The following UNC93A variants were observed in gnomAD, a reference collection of about 807,000 sequenced individuals.
UNC93A encodes N-acetylglucosamine transporter UNC93A.
In UNC93A, 43 loss-of-function variants were observed where a neutral mutation model predicts 47.5. The observed-to-expected ratio is 0.91, with a 90% CI of 0.71 to 1.17. The LOEUF is 1.17. UNC93A is among the 50% of genes most tolerant of loss of function. UNC93A has a pLI of 0.00. For missense variants in UNC93A, 605 were observed against 577.6 expected (o/e 1.05, Z -0.49); for synonymous variants, 280 against 258.0 (o/e 1.09, Z -0.82).
Position 167,304,441 on chromosome 6 carries a change from C to A in UNC93A, c.840+308C>A, listed in dbSNP as rs116374115. 9.6e-3 allele frequency among the ~76,000 whole-genome samples: 1,463 copies of A among 152,348 alleles called. 40 individuals are homozygous for A. Among genetic ancestry groups the A allele is most frequent in the African/African-American group, 0.033 (1,384 of 41,564 alleles). The stretch of plus-strand genomic sequence containing the variant: ...GGGCAGCTGCCGCTGACTCACCCCA[C>A]AGACACTCATCGGTGTTACCCCTGC... On this transcript the variant is annotated intron_variant, in intron 5 of 7. Coordinates refer to ENST00000230256, the MANE Select transcript of UNC93A (RefSeq NM_018974.4).
At chr6:167,295,327 G>A (rs1046208499) in intron 2 of UNC93A, among the ~76,000 whole-genome samples, 11 of 152,206 alleles carry the variant, frequency 7.2e-5, no homozygotes, top group Middle Eastern at 3.2e-3. Context: ...ATGGCATGCC[G>A]CCGCTGAGGC....
chr6:167,303,622 G>A (rs563728253), intron 4 of UNC93A, among the ~76,000 whole-genome samples: 5 of 152,264 alleles, frequency 3.3e-5, no homozygotes, highest in African/African-American at 1.2e-4. Context: ...AGGACACTCA[G>A]AACTTCTGGG....
At position 167,273,089 on chromosome 6, in the gene UNC93A, G is replaced by A. The variant is rs548789460; in HGVS notation, c.-52+1631G>A. Reference sequence around the variant, plus strand: ...GTGACTGCCCAGGCAAGCCGCTAACGTGAACGTGCTCCTCTTACTGCCGCC... The same window carrying A: ...GTGACTGCCCAGGCAAGCCGCTAACATGAACGTGCTCCTCTTACTGCCGCC... On this transcript the variant is annotated intron_variant, in intron 1 of 3. Coordinates refer to the UNC93A transcript ENST00000503433. Among the ~76,000 whole-genome samples, 145 of 152,302 alleles carry A rather than the reference G, an allele frequency of 9.5e-4. No individual in the cohort carries two copies. The Middle Eastern group carries it at 0.01, about 11-fold the overall frequency.
intron 1 of UNC93A, among the ~76,000 whole-genome samples, chr6:167,278,610 A>T (rs138714429): frequency 1.4e-4 from 22 of 152,336 alleles, no homozygotes; most frequent in African/African-American, 5.1e-4. Context: ...AGTTCATTAG[A>T]TGCCTTCCAG....
At chr6:167,271,557 A>G (rs2115064830) in intron 1 of UNC93A, 1 of 152,186 alleles carries the variant, frequency 6.6e-6, no homozygotes, top group East Asian at 1.9e-4. Flanking sequence ...GGGCAGTTGT[A>G]TTTTTGGTTT....
chr6:167,281,946 G>C (rs1169626476), intron 1 of UNC93A, among the ~76,000 whole-genome samples: 1 of 152,216 alleles, frequency 6.6e-6, no homozygotes, highest in Non-Finnish European at 1.5e-5. Context: ...GTGACATGTA[G>C]ATGACGACCT....
chr6:167,305,808 C>A, intron 5 of UNC93A, 107 bp from the exon 6 acceptor site: 1 of 1,516,906 alleles, frequency 6.6e-7, no homozygotes, highest in Non-Finnish European at 9.0e-7. Flanking sequence ...CAACACTGGC[C>A]TGCTGGCCAT....
At chr6:167,300,475 G>A (rs1332994940) in intron 4 of UNC93A, among the ~76,000 whole-genome samples, 1 of 152,050 alleles carries the variant, frequency 6.6e-6, no homozygotes, top group Non-Finnish European at 1.5e-5. Flanking sequence ...CAGGGGGGAG[G>A]CTGGACGAGG....
At chr6:167,313,217 T>C (rs567975582) in intron 7 of UNC93A, among the ~76,000 whole-genome samples, 45 of 152,276 alleles carry the variant, frequency 3.0e-4, no homozygotes, top group African/African-American at 8.2e-4. Flanking sequence ...AAGTCCTCCA[T>C]GCTGGGGAAC....
intron 1 of UNC93A, among the ~76,000 whole-genome samples, chr6:167,292,019 C>T (rs1783852323): frequency 6.6e-6 from 1 of 152,184 alleles, no homozygotes; most frequent in South Asian, 2.1e-4. Flanking sequence ...TGAACTTTGA[C>T]AACATGATCT....
intron 4 of UNC93A, among the ~76,000 whole-genome samples, chr6:167,300,545 G>T (rs756313527): frequency 6.6e-6 from 1 of 152,174 alleles, no homozygotes; most frequent in African/African-American, 2.4e-5. Flanking sequence ...GAGGGTGCTC[G>T]TGTGCAAGGC....
chr6:167,311,245 C>T (rs1009341377), intron 7 of UNC93A, among the ~76,000 whole-genome samples: 17 of 152,198 alleles, frequency 1.1e-4, no homozygotes, highest in African/African-American at 3.9e-4. Flanking sequence ...TTGTCCTCAC[C>T]TTTCAGTCAT....
In UNC93A at chr6:167,304,732, G is replaced by A. The variant is rs568776140; in HGVS notation, c.840+599G>A. The stretch of plus-strand genomic sequence containing the variant: ...ATTACAGGCGTGTGCCACCACGCCT[G>A]GGTAATTTTGTATTTTTAGTAGAGA... On this transcript the variant is annotated intron_variant, in intron 5 of 7. Transcript: ENST00000230256. Among the ~76,000 whole-genome samples the A allele has an allele frequency of 5.9e-5, 9 of 152,158 alleles. No individual in the cohort carries two copies. The East Asian group carries it at 1.5e-3, about 26-fold the overall frequency.
At chr6:167,279,244 T>C (rs146828620) in intron 1 of UNC93A, among the ~76,000 whole-genome samples, 2 of 152,292 alleles carry the variant, frequency 1.3e-5, no homozygotes, top group East Asian at 3.9e-4. Context: ...GACGGAGATA[T>C]ATATAGAGAG....
chr6:167,281,294 G>A (rs1273326057), intron 1 of UNC93A, among the ~76,000 whole-genome samples: 1 of 152,072 alleles, frequency 6.6e-6, no homozygotes, highest in Non-Finnish European at 1.5e-5. Flanking sequence ...GCCCACCAAG[G>A]GGAGACTCAG....
rs543478761 is a variant in UNC93A, at chr6:167,293,984, A to G, written c.88-533A>G. Among the ~76,000 whole-genome samples the G allele has an allele frequency of 2.6e-4, 39 of 152,294 alleles. 1 individual carries two copies. Among genetic ancestry groups the G allele is most frequent in the African/African-American group, 8.9e-4 (37 of 41,564 alleles). On this transcript the variant is annotated intron_variant, in intron 1 of 7. Coordinates refer to ENST00000230256, the MANE Select transcript of UNC93A (RefSeq NM_018974.4). ...CTGCAGTTTCCAGGATACGAGGGCCACGTCCCTGGTCCATTCTCAAACCTT... is the reference window on the plus strand; with the variant it reads ...CTGCAGTTTCCAGGATACGAGGGCCGCGTCCCTGGTCCATTCTCAAACCTT...
At chr6:167,270,865 G>A (rs952987047), upstream of UNC93A, among the ~76,000 whole-genome samples, 1 of 152,226 alleles carries the variant, frequency 6.6e-6, no homozygotes, top group Non-Finnish European at 1.5e-5. Flanking sequence ...TGACACCGTG[G>A]GTGCAGACTC....
intron 7 of UNC93A, among the ~76,000 whole-genome samples, chr6:167,313,509 G>A (rs551443756): frequency 1.7e-4 from 26 of 152,164 alleles, no homozygotes; most frequent in African/African-American, 1.4e-4. Flanking sequence ...ATGGTGGGGG[G>A]GCTGGGGGAG....
intron 1 of UNC93A, among the ~76,000 whole-genome samples, chr6:167,281,066 A>G (rs529444195): frequency 5.5e-4 from 84 of 152,274 alleles, no homozygotes; most frequent in African/African-American, 1.9e-3. Context: ...TGTCCCACCA[A>G]GAGGAGCCTC....
Sources: gnomAD v4.1 joint callset for allele counts (sites outside exome capture counted in the v4.1 genomes callset) on GRCh38, gnomAD v4.1.1 for gene constraint, MANE v1.5 for transcripts, NCBI Gene and HGNC (gene_info 2026-07-23, HGNC 2026-07-21) for gene names.